Variants in ARHGAP15 observed in about 807,000 individuals in gnomAD.
ARHGAP15 encodes Rho GTPase activating protein 15.
A neutral mutation model predicts 63.7 loss-of-function variants in ARHGAP15; 51 were observed. The ratio of observed to expected loss-of-function variants is 0.80; its 90% CI spans 0.64 to 1.01. ARHGAP15 has a LOEUF of 1.01. Among genes scored for constraint, ARHGAP15 ranks in the 50% least tolerant of loss-of-function variants. The pLI is 0.00. For missense variants in ARHGAP15, 560 were observed against 564.6 expected (o/e 0.99, Z 0.08); for synonymous variants, 191 against 193.8 (o/e 0.99, Z 0.12).
At chr2:143,310,399 T>A (rs775052554) in intron 6 of ARHGAP15, among the ~76,000 whole-genome samples, 1 of 152,026 alleles carries the variant, frequency 6.6e-6, no homozygotes, top group African/African-American at 2.4e-5. Context: ...TACAGAATCA[T>A]GTTTTTGCTT....
intron 1 of ARHGAP15, among the ~76,000 whole-genome samples, chr2:143,155,165 C>T (rs1283636371): frequency 6.6e-6 from 1 of 151,776 alleles, no homozygotes; most frequent in Non-Finnish European, 1.5e-5. Flanking sequence ...GTGGGCAACA[C>T]CATTTCTATA....
chr2:143,483,568 G>A (rs1692176319), intron 8 of ARHGAP15, among the ~76,000 whole-genome samples: 1 of 152,162 alleles, frequency 6.6e-6, no homozygotes, highest in Non-Finnish European at 1.5e-5. Flanking sequence ...GAGTTATTCT[G>A]AAGGATGTTA....
intron 6 of ARHGAP15, among the ~76,000 whole-genome samples, chr2:143,253,906 T>G (rs1488579024): frequency 6.6e-6 from 1 of 152,084 alleles, no homozygotes. Flanking sequence ...AATTCTAAGT[T>G]AAAGTGGTAA....
intron 6 of ARHGAP15, among the ~76,000 whole-genome samples, chr2:143,284,223 A>G (rs2381406): frequency 0.31 from 47,329 of 152,116 alleles, 7,833 homozygotes; most frequent in African/African-American, 0.42. Context: ...ACAGAAGTGC[A>G]GTGAGCCAGG....
intron 2 of ARHGAP15, among the ~76,000 whole-genome samples, chr2:143,170,425 A>T (rs1690726655): frequency 6.6e-6 from 1 of 152,138 alleles, no homozygotes; most frequent in Admixed American, 6.6e-5. Flanking sequence ...TTAATCCCAC[A>T]CCACTGCCAC....
At chr2:143,660,058 G>A (rs1054402988) in intron 12 of ARHGAP15, among the ~76,000 whole-genome samples, 2 of 152,146 alleles carry the variant, frequency 1.3e-5, no homozygotes, top group Non-Finnish European at 2.9e-5. Context: ...CAACAGATGT[G>A]AGTCTCAAAT....
chr2:143,737,866 C>T (rs1445097379), intron 13 of ARHGAP15, among the ~76,000 whole-genome samples: 1 of 152,100 alleles, frequency 6.6e-6, no homozygotes, highest in Non-Finnish European at 1.5e-5. Context: ...AAGTGATTCT[C>T]CTGCCTCAGC....
At chr2:143,574,726 G>C (rs1696606631) in intron 11 of ARHGAP15, among the ~76,000 whole-genome samples, 1 of 152,090 alleles carries the variant, frequency 6.6e-6, no homozygotes, top group South Asian at 2.1e-4. Flanking sequence ...GCCCCCATTA[G>C]CTAGAATTGG....
At chr2:143,684,718 G>A (rs1238510926) in intron 12 of ARHGAP15, among the ~76,000 whole-genome samples, 2 of 152,148 alleles carry the variant, frequency 1.3e-5, no homozygotes, top group African/African-American at 4.8e-5. Flanking sequence ...GTTAAATATG[G>A]CTTTGCTTTA....
chr2:143,435,733 T>C (rs1380504126), intron 7 of ARHGAP15, 34 bp downstream of exon 7: 2 of 1,587,064 alleles, frequency 1.3e-6, no homozygotes, highest in Admixed American at 1.8e-5. Flanking sequence ...CCTTTATTAA[T>C]TAAAATGTAG....
chr2:143,219,528 A>T (rs1411810840), intron 4 of ARHGAP15, among the ~76,000 whole-genome samples: 3 of 152,202 alleles, frequency 2.0e-5, no homozygotes, highest in Non-Finnish European at 2.9e-5. Flanking sequence ...TAAATCGCAC[A>T]TATATGTTTC....
At chr2:143,390,600 C>G (rs1278688957) in intron 6 of ARHGAP15, among the ~76,000 whole-genome samples, 1 of 152,060 alleles carries the variant, frequency 6.6e-6, no homozygotes, top group Non-Finnish European at 1.5e-5. Flanking sequence ...GCCCCACTCT[C>G]CGCTTCCCCC....
intron 11 of ARHGAP15, among the ~76,000 whole-genome samples, chr2:143,562,183 C>A (rs1234565853): frequency 1.3e-5 from 2 of 152,114 alleles, no homozygotes; most frequent in African/African-American, 4.8e-5. Flanking sequence ...TAGATTTGTA[C>A]CTTAAAGCAA....
chr2:143,606,303 C>T (rs1166672221), intron 11 of ARHGAP15, among the ~76,000 whole-genome samples: 1 of 152,126 alleles, frequency 6.6e-6, no homozygotes, highest in Non-Finnish European at 1.5e-5. Flanking sequence ...ATTGAACTTC[C>T]ATTTACTATC....
chr2:143,405,422 G>C (rs866138386), intron 6 of ARHGAP15, among the ~76,000 whole-genome samples: 2 of 151,536 alleles, frequency 1.3e-5, no homozygotes, highest in African/African-American at 2.4e-5. Context: ...TTTAGTACTT[G>C]TTTCATCAAC....
At chr2:143,479,414 C>T (rs574069996) in intron 8 of ARHGAP15, among the ~76,000 whole-genome samples, 55 of 151,616 alleles carry the variant, frequency 3.6e-4, no homozygotes, top group African/African-American at 1.2e-3. Flanking sequence ...TTGGCTGTGG[C>T]CTGTTTTCTA....
chr2:143,177,736 C>G (rs1273335072), intron 2 of ARHGAP15, among the ~76,000 whole-genome samples: 1 of 152,128 alleles, frequency 6.6e-6, no homozygotes, highest in Non-Finnish European at 1.5e-5. Flanking sequence ...ACAGTGAAGC[C>G]TTCCAGAGCC....
intron 6 of ARHGAP15, among the ~76,000 whole-genome samples, chr2:143,422,545 G>A (rs1224682322): frequency 6.6e-6 from 1 of 152,048 alleles, no homozygotes; most frequent in African/African-American, 2.4e-5. Flanking sequence ...AGGCTGTTAG[G>A]GTGTGAGTTC....
chr2:143,651,846 A>G (rs1681181434), intron 12 of ARHGAP15, among the ~76,000 whole-genome samples: 1 of 152,018 alleles, frequency 6.6e-6, no homozygotes, highest in Admixed American at 6.6e-5. Flanking sequence ...CTTATTTGCC[A>G]TCTTCATGTT....
Sources: gnomAD v4.1 joint callset for allele counts (sites outside exome capture counted in the v4.1 genomes callset) on GRCh38, gnomAD v4.1.1 for gene constraint, MANE v1.5 for transcripts, NCBI Gene and HGNC (gene_info 2026-07-23, HGNC 2026-07-21) for gene names.